The following DAB1 variants were observed in gnomAD, a reference collection of about 807,000 sequenced individuals.
The protein encoded by DAB1 is disabled homolog 1.
DAB1 carries 15 observed loss-of-function variants against 64.6 expected under a neutral mutation model. That is an observed-to-expected ratio of 0.23 (90% confidence interval 0.16 to 0.36). The LOEUF (loss-of-function observed/expected upper bound fraction) is 0.36, where lower values mean the gene tolerates loss of function less well. Ranked by LOEUF, DAB1 falls within the 10% of genes least tolerant of loss-of-function variation. The pLI, the probability that DAB1 is intolerant of heterozygous loss-of-function variation, is 1.00. For synonymous variants in DAB1, 235 were observed against 251.9 expected (o/e 0.93, Z 0.64); for missense variants, 596 against 706.7 (o/e 0.84, Z 1.78).
intron 2 of DAB1, among the ~76,000 whole-genome samples, chr1:57,212,690 A>G (rs1022961599): frequency 2.0e-5 from 3 of 152,054 alleles, no homozygotes; most frequent in East Asian, 3.9e-4. Flanking sequence ...TACAAAGCAC[A>G]TTCATATGCA....
intron 9 of DAB1, among the ~76,000 whole-genome samples, chr1:57,061,201 G>T (rs1282064302): frequency 7.6e-6 from 1 of 131,724 alleles, no homozygotes; most frequent in South Asian, 2.9e-4. Context: ...AAACTAACAC[G>T]CATAGGTTTC....
intron 3 of DAB1, among the ~76,000 whole-genome samples, chr1:58,460,144 C>T (rs773790390): frequency 6.6e-6 from 1 of 152,162 alleles, no homozygotes; most frequent in Non-Finnish European, 1.5e-5. Flanking sequence ...GAGCAGAGAG[C>T]ATGGATGACT....
chr1:57,516,979 G>C (rs930272698), intron 7 of DAB1, among the ~76,000 whole-genome samples: 1 of 152,182 alleles, frequency 6.6e-6, no homozygotes, highest in Non-Finnish European at 1.5e-5. Flanking sequence ...AGTTCAGAGT[G>C]TTAGTCAAAG....
At chr1:58,201,614 G>A (rs1418648264) in intron 4 of DAB1, among the ~76,000 whole-genome samples, 2 of 152,194 alleles carry the variant, frequency 1.3e-5, no homozygotes, top group Admixed American at 1.3e-4. Context: ...TGTGTCCACT[G>A]TTAGCTTTAG....
At chr1:57,895,035 T>C (rs1644372849) in intron 5 of DAB1, among the ~76,000 whole-genome samples, 1 of 150,232 alleles carries the variant, frequency 6.7e-6, no homozygotes, top group South Asian at 2.1e-4. Context: ...CTGTATATAA[T>C]CCTGAAAGGG....
chr1:58,419,859 C>G lies in DAB1; in HGVS notation n.258-76456G>C, dbSNP rs372281365. On this transcript the variant is annotated intron_variant and non_coding_transcript_variant, in intron 3 of 20. Coordinates refer to the DAB1 transcript ENST00000485760. ...CCCAGAATTCTAAAGTTTCCAAGGT[C>G]CTAAGATTCTAGCTCCTATTAGATG... Among the ~76,000 whole-genome samples the G allele has an allele frequency of 3.0e-4, 45 of 152,336 alleles. No homozygotes were observed. In the South Asian group the frequency reaches 7.9e-3, roughly 27 times the overall value.
At chr1:57,357,670 C>T (rs907923686) in intron 1 of DAB1, among the ~76,000 whole-genome samples, 1 of 151,844 alleles carries the variant, frequency 6.6e-6, no homozygotes, top group African/African-American at 2.4e-5. Flanking sequence ...GTTTAATTGA[C>T]TCAGTTCTGC....
intron 4 of DAB1, among the ~76,000 whole-genome samples, chr1:57,107,487 G>A (rs1204510037): frequency 6.6e-6 from 1 of 151,826 alleles, no homozygotes; most frequent in African/African-American, 2.4e-5. Context: ...TAGAGAACCA[G>A]CACTCAAGGA....
intron 7 of DAB1, among the ~76,000 whole-genome samples, chr1:57,615,201 T>G (rs1645777997): frequency 6.6e-6 from 1 of 152,212 alleles, no homozygotes; most frequent in Non-Finnish European, 1.5e-5. Context: ...AGAATATTCT[T>G]CCAGGCCTGT....
At chr1:58,405,341 G>C (rs901195516) in intron 3 of DAB1, among the ~76,000 whole-genome samples, 2 of 152,032 alleles carry the variant, frequency 1.3e-5, no homozygotes, top group African/African-American at 4.8e-5. Context: ...TTCTTTCAGA[G>C]CACTGATGAT....
intron 5 of DAB1, among the ~76,000 whole-genome samples, chr1:58,063,428 T>C (rs1390154242): frequency 1.3e-5 from 2 of 152,144 alleles, no homozygotes; most frequent in Non-Finnish European, 2.9e-5. Context: ...GAGGACTCTG[T>C]AGACCAGAAG....
rs376287556 is a variant in DAB1, at chr1:57,263,997, T to C, written c.67+26967A>G. Among the ~76,000 whole-genome samples, 92 of 152,230 alleles carry C rather than the reference T, an allele frequency of 6.0e-4. 1 individual carries two copies. The South Asian group carries it at 0.017, about 27-fold the overall frequency. Reference sequence around the variant, plus strand: ...GGCTCCCTGAGAGCTCCTGGAGCCCTCCTGGTATGGAAGGATGGCCTCTTT... The same window carrying C: ...GGCTCCCTGAGAGCTCCTGGAGCCCCCCTGGTATGGAAGGATGGCCTCTTT... On this transcript the variant is annotated intron_variant, in intron 2 of 14. Transcript: ENST00000371236.
chr1:57,857,638 C>T lies in DAB1; in HGVS notation n.87+26361G>A, dbSNP rs113419171. On this transcript the variant is annotated intron_variant and non_coding_transcript_variant, in intron 1 of 1. Coordinates refer to the DAB1 transcript ENST00000477280. ...TGGTCACACAGTTAGAAAGTTGCCA[C>T]GAGTGGAAAATATAAGATGGACGTA... Among the ~76,000 whole-genome samples the T allele has an allele frequency of 4.3e-3, 658 of 152,088 alleles. 4 individuals are homozygous for T. Among genetic ancestry groups the T allele is most frequent in the African/African-American group, 0.015 (623 of 41,476 alleles).
chr1:57,993,928 T>A (rs551256585), intron 5 of DAB1, among the ~76,000 whole-genome samples: 1 of 152,198 alleles, frequency 6.6e-6, no homozygotes, highest in East Asian at 1.9e-4. Flanking sequence ...TGCCAGGCCC[T>A]GTGCTAAGTG....
At chr1:58,530,777 G>GTA (rs1288789773) in intron 1 of DAB1, 1 of 839,034 alleles carries the variant, frequency 1.2e-6, no homozygotes, top group Non-Finnish European at 2.1e-6. Context: ...CATTGAGACA[G>GTA]TATATGCTTA....
chr1:58,012,349 A>G (rs1166120415), intron 5 of DAB1, among the ~76,000 whole-genome samples: 9 of 151,922 alleles, frequency 5.9e-5, no homozygotes, highest in Admixed American at 5.9e-4. Context: ...TGACTCAGGG[A>G]CTCAGGTTGC....
At chr1:57,025,907 A>T in intron 10 of DAB1, 74 bp downstream of exon 10, 1 of 1,232,524 alleles carries the variant, frequency 8.1e-7, no homozygotes, top group Non-Finnish European at 1.1e-6. Context: ...CTCAAAGCCC[A>T]TATTCTGGCC....
chr1:58,073,964 C>T (rs77198928), intron 5 of DAB1, among the ~76,000 whole-genome samples: 88 of 152,294 alleles, frequency 5.8e-4, no homozygotes, highest in African/African-American at 2.1e-3. Context: ...AAAAATGACT[C>T]CACGAAAAGT....
At position 57,907,158 on chromosome 1, in the gene DAB1, G is replaced by A. The variant is rs999885459; in HGVS notation, n.388-22996C>T. ...AGTTATTCTGTGTCCAAATTATTGA[G>A]GACTTGTAATATATCTTAAAACATT... On this transcript the variant is annotated intron_variant and non_coding_transcript_variant, in intron 5 of 20. Transcript: ENST00000485760. 4.6e-5 allele frequency among the ~76,000 whole-genome samples: 7 copies of A among 152,246 alleles called. No homozygotes were observed. The South Asian group carries it at 1.5e-3, about 32-fold the overall frequency.
Sources: gnomAD v4.1 joint callset for allele counts (sites outside exome capture counted in the v4.1 genomes callset) on GRCh38, gnomAD v4.1.1 for gene constraint, MANE v1.5 for transcripts, NCBI Gene and HGNC (gene_info 2026-07-23, HGNC 2026-07-21) for gene names.